Variants in CAPRIN2 observed in about 807,000 individuals in gnomAD.
The protein encoded by CAPRIN2 is caprin family member 2.
A neutral mutation model predicts 130.4 loss-of-function variants in CAPRIN2; 66 were observed. That is an observed-to-expected ratio of 0.51 (90% CI 0.42 to 0.62). The LOEUF (loss-of-function observed/expected upper bound fraction) is 0.62, where lower values mean the gene tolerates loss of function less well. Among genes scored for constraint, CAPRIN2 ranks in the 20% least tolerant of loss-of-function variants. The probability of loss-of-function intolerance (pLI) is 0.00; values close to 1 mark genes in which losing one functional copy is unlikely to be tolerated. For synonymous variants in CAPRIN2, 471 were observed against 444.1 expected, an observed-to-expected ratio of 1.06 and a Z score of -0.76; for missense variants, 1,185 against 1,246.6, an observed-to-expected ratio of 0.95 and a Z score of 0.74.
intron 4 of CAPRIN2, among the ~76,000 whole-genome samples, 195 bp from the exon 6 acceptor site, chr12:30,733,906 A>T (rs1451182798): frequency 1.3e-5 from 2 of 152,206 alleles, no homozygotes; most frequent in Non-Finnish European, 2.9e-5. Context: ...CAAATGTAAG[A>T]ATTTTTCCTT....
chr12:30,716,906 C>T (rs2057761452), intron 12 of CAPRIN2, among the ~76,000 whole-genome samples: 1 of 152,150 alleles, frequency 6.6e-6, no homozygotes. Context: ...ATTTTATACC[C>T]ATTAGCAGGG....
exon 1 of CAPRIN2, chr12:30,753,405 G>C (rs373181309): frequency 3.3e-5 from 53 of 1,613,740 alleles, no homozygotes; most frequent in Non-Finnish European, 4.5e-5. Flanking sequence ...TTCAATATAG[G>C]TCTCATACGC....
intron 2 of CAPRIN2, among the ~76,000 whole-genome samples, chr12:30,745,607 T>C (rs1315747213): frequency 6.6e-6 from 1 of 152,086 alleles, no homozygotes; most frequent in African/African-American, 2.4e-5. Flanking sequence ...CAAATAATAT[T>C]GAAAATACAA....
In CAPRIN2 at chr12:30,713,984, T is replaced by A. The variant is rs916177200; in HGVS notation, c.2501-99A>T. The A allele has an allele frequency of 3.2e-5, 20 of 628,726 alleles. No homozygotes were observed. The Admixed American group carries it at 4.9e-4, about 15-fold the overall frequency. The allele number at this position is 628,726 out of a possible 1,614,324, so 38.9% of individuals were successfully genotyped here. On this transcript the variant is annotated intron_variant, in intron 14 of 16. Coordinates refer to ENST00000298892, the Ensembl canonical transcript of CAPRIN2. ...TGCTTTAAAAGTTAAATTGATTATA[T>A]AATGCCATCATTAGACTTATGCCCT... is the stretch of plus-strand genomic sequence containing the variant.
exon 1 of CAPRIN2, chr12:30,753,838 G>A (rs1052838126): frequency 3.6e-5 from 51 of 1,427,456 alleles, no homozygotes; most frequent in Non-Finnish European, 4.4e-5. Context: ...CAATACGGAG[G>A]ATGTTTCCAG....
rs2055403371 is a variant in CAPRIN2, at chr12:30,712,618, A to G, written c.2602-989T>C. Among the ~76,000 whole-genome samples, 2 of 152,206 alleles carry G rather than the reference A, an allele frequency of 1.3e-5. 1 individual carries two copies. The highest frequency in any genetic ancestry group is 4.1e-4 in the South Asian group (2 of 4,836). On this transcript the variant is annotated intron_variant, in intron 15 of 16. Coordinates refer to ENST00000298892, the Ensembl canonical transcript of CAPRIN2. ...CCTCAGTGTTAGATGAAAAACTAAC[A>G]GATGAGGAATTAGAGCTCAAAAAGT...
chr12:30,715,304 G>A (rs1057414168), intron 13 of CAPRIN2, 163 bp from the exon 16 acceptor site: 19 of 651,430 alleles, frequency 2.9e-5, no homozygotes, highest in Admixed American at 2.1e-4. Flanking sequence ...ACTCAAATAC[G>A]TAATTCATAT....
exon 16 of CAPRIN2, chr12:30,711,590 C>T: frequency 6.2e-7 from 1 of 1,613,862 alleles, no homozygotes; most frequent in East Asian, 2.2e-5. Context: ...CGTGGACCAC[C>T]AGATGTCCCT....
At chr12:30,735,533 A>T (rs2064359227) in intron 3 of CAPRIN2, among the ~76,000 whole-genome samples, 1 of 152,136 alleles carries the variant, frequency 6.6e-6, no homozygotes, top group Admixed American at 6.5e-5. Flanking sequence ...TTTCACATTT[A>T]TGTGTATCAG....
rs1351734376 is a variant in CAPRIN2 at position 30,753,483 on chromosome 12, T to G, written c.281A>C (p.His94Pro). The G allele has an allele frequency of 1.9e-6, 3 of 1,614,104 alleles. No individual in the cohort carries two copies. In the Admixed American group the frequency reaches 5.0e-5, roughly 27 times the overall value. The change falls in exon 1 of 17, where the codon CAT (histidine) becomes CCT (proline). Residue 94 changes from histidine to proline, a missense_variant. Physicochemically the swap from His to Pro is moderately conservative, Grantham distance 77. Around this residue, in one of 2 missense-constraint regions of CAPRIN2, gnomAD observed 1,104 missense variants for 1,104.3 expected, o/e 1.00. Coordinates refer to ENST00000298892, the Ensembl canonical transcript of CAPRIN2. ...GCTCAAGGCCCGCTGGCTTTCCCCA[T>G]GCTGACTGTGGTTCACTTGGGGCTT...
chr12:30,710,040 G>C lies in CAPRIN2; in HGVS notation c.3096C>G (p.Asp1032Glu). The stretch of plus-strand genomic sequence containing the variant: ...TTGCATGATTGCTAGCAGTTTCATG[G>C]TCTGGAGCACCATCATTGGCATAGG... The change falls in exon 17 of 17, where the codon GAC becomes GAG. Residue 1032 changes from aspartate (D) to glutamate (E), a missense_variant. By Grantham distance (45) the Asp-to-Glu change is conservative (BLOSUM62 2). Transcript: ENST00000298892. The surrounding 1 kb of genome is among the most constrained non-coding windows in gnomAD (Gnocchi z 4.8). The C allele has an allele frequency of 6.2e-7, 1 of 1,614,062 alleles. No homozygotes were observed. Among genetic ancestry groups the C allele is most frequent in the Non-Finnish European group, 8.5e-7 (1 of 1,180,024 alleles).
upstream of CAPRIN2, chr12:30,754,791 C>A: frequency 6.6e-6 from 1 of 152,498 alleles, no homozygotes; most frequent in South Asian, 1.9e-4. Context: ...CAGCCCGGGC[C>A]CGCCTTCCAA....
intron 12 of CAPRIN2, among the ~76,000 whole-genome samples, chr12:30,718,201 A>G (rs1408820156): frequency 2.0e-5 from 3 of 152,250 alleles, no homozygotes; most frequent in Admixed American, 1.3e-4. Flanking sequence ...CTTGCTTTTA[A>G]TTAGACAAAA....
At chr12:30,730,807 C>A (rs913084636) in intron 6 of CAPRIN2, among the ~76,000 whole-genome samples, 2 of 152,214 alleles carry the variant, frequency 1.3e-5, no homozygotes, top group Non-Finnish European at 2.9e-5. Flanking sequence ...CCTGGACTAC[C>A]TCCTGAGAAG....
At chr12:30,729,369 G>A (rs753259394) in intron 7 of CAPRIN2, 44 bp from the exon 9 acceptor site, 24 of 1,372,942 alleles carry the variant, frequency 1.7e-5, no homozygotes, top group Admixed American at 4.6e-5. Context: ...ATTCATAGAA[G>A]ACCTTGGAGG....
At chr12:30,734,861 C>CACACAT in intron 4 of CAPRIN2, 107 bp downstream of exon 5, 1 of 563,026 alleles carries the variant, frequency 1.8e-6, no homozygotes, top group Admixed American at 2.4e-5. Flanking sequence ...CACACACACA[C>CACACAT]ACACACACAC....
intron 2 of CAPRIN2, among the ~76,000 whole-genome samples, chr12:30,742,733 G>C (rs961161089): frequency 6.6e-6 from 1 of 151,962 alleles, no homozygotes; most frequent in Non-Finnish European, 1.5e-5. Context: ...CAGGGTCATG[G>C]TTACAGGAAG....
In CAPRIN2 at chr12:30,728,958, T is replaced by C. The variant is rs1319597111; in HGVS notation, c.1472A>G (p.Gln491Arg). ...AACTGGCCACAGCTTTGGTGTCTCC[T>C]GTTTCTTTTGTTCCTCTTGAACATA... The change falls in exon 8 of 17, where the codon CAG becomes CGG. Residue 491 changes from glutamine to arginine, a missense_variant. Physicochemically the swap from Gln to Arg is conservative, Grantham distance 43. This residue lies in a region of CAPRIN2 where 1,104 missense variants were observed against 1,104.3 expected (regional missense o/e 1.00). Coordinates refer to ENST00000298892, the Ensembl canonical transcript of CAPRIN2. 5 of 1,614,192 alleles carry C rather than the reference T, an allele frequency of 3.1e-6. No homozygotes were observed. The Admixed American group carries it at 6.7e-5, about 22-fold the overall frequency.
At chr12:30,733,209 GACA>G (rs2063336982) in intron 5 of CAPRIN2, among the ~76,000 whole-genome samples, 1 of 152,048 alleles carries the variant, frequency 6.6e-6, no homozygotes, top group Admixed American at 6.6e-5. Context: ...CAGATCAATA[GACA>G]ACGTTTCAAT....
Sources: allele counts gnomAD v4.1 joint callset (sites outside exome capture counted in the v4.1 genomes callset), GRCh38; gene constraint gnomAD v4.1.1; regional missense constraint gnomAD v4.1.1; non-coding constraint Gnocchi (gnomAD v3.1); transcripts MANE v1.5; gene names NCBI Gene and HGNC (gene_info 2026-07-23, HGNC 2026-07-21).